The following MTR variants were observed in gnomAD, a reference collection of about 807,000 sequenced individuals.
The protein encoded by MTR is 5-methyltetrahydrofolate-homocysteine methyltransferase, also known as methionine synthase.
A neutral mutation model predicts 154.8 loss-of-function variants in MTR; 84 were observed. That is an observed-to-expected ratio of 0.54 (90% CI 0.45 to 0.65). MTR has a LOEUF of 0.65. Ranked by LOEUF, MTR falls within the 30% of genes least tolerant of loss-of-function variation. MTR has a pLI of 0.00. For synonymous variants in MTR, 554 were observed against 553.9 expected (o/e 1.00, Z 0.00); for missense variants, 1,275 against 1,570.2 (o/e 0.81, Z 3.18).
In MTR at chr1:236,850,482, T is replaced by G; in HGVS notation, c.1654T>G (p.Leu552Val). 6.2e-7 allele frequency: 1 copy of G among 1,613,790 alleles called. No homozygotes were observed. The highest frequency in any genetic ancestry group is 1.1e-5 in the South Asian group (1 of 91,068). The change falls in exon 16 of 33, where the codon TTG (leucine) becomes GTG (valine). Residue 552 changes from leucine to valine, a missense_variant. Physicochemically the swap from Leu to Val is conservative, Grantham distance 32. Coordinates refer to ENST00000366577, the MANE Select transcript of MTR (RefSeq NM_000254.3). Reference sequence around the variant, plus strand: ...TGGGACTGGAATGGAGGAACACAACTTGTATGCCATTAATTTTATCCATGC... The same window carrying G: ...TGGGACTGGAATGGAGGAACACAACGTGTATGCCATTAATTTTATCCATGC... ...TIGTGMEEHN[L>V]YAINFIHATK...
At chr1:236,824,067 A>G (rs946721963) in intron 8 of MTR, 52 bp from the exon 9 acceptor site, 5 of 1,436,432 alleles carry the variant, frequency 3.5e-6, no homozygotes, top group Non-Finnish European at 3.9e-6. Flanking sequence ...ACTTATATGC[A>G]TAAATATGAA....
At chr1:236,838,841 A>G (rs991929287) in intron 15 of MTR, among the ~76,000 whole-genome samples, 6 of 152,198 alleles carry the variant, frequency 3.9e-5, no homozygotes, top group African/African-American at 1.4e-4. Context: ...CCAACGTCAT[A>G]GAGTGTATTT....
intron 1 of MTR, among the ~76,000 whole-genome samples, chr1:236,799,678 C>T (rs2102999555): frequency 6.6e-6 from 1 of 151,996 alleles, no homozygotes; most frequent in East Asian, 1.9e-4. Context: ...AATAAGAAAA[C>T]AAATTAGCTT....
At chr1:236,862,192 C>G (rs1664583083) in intron 20 of MTR, 44 bp from the exon 21 acceptor site, 3 of 1,525,728 alleles carry the variant, frequency 2.0e-6, no homozygotes, top group Non-Finnish European at 2.7e-6. Flanking sequence ...AGCAGTTGTT[C>G]CTGTGGTTTG....
chr1:236,880,927 C>T, intron 25 of MTR, 91 bp downstream of exon 25: 3 of 1,265,154 alleles, frequency 2.4e-6, no homozygotes, highest in Non-Finnish European at 3.4e-6. Flanking sequence ...CATTTTTATT[C>T]AGTTCTACTA....
chr1:236,838,404 C>A lies in MTR; in HGVS notation c.1330-10C>A. On this transcript the variant is annotated splice_polypyrimidine_tract_variant and intron_variant, in intron 14 of 32. Transcript: ENST00000366577. ...GCCTCTGTGTGATTTTCTTGCCTTT[C>A]TGATCTCAGGTACCTTTGTGCATCG... The A allele has an allele frequency of 6.2e-7, 1 of 1,614,086 alleles. No homozygotes were observed. Among genetic ancestry groups the A allele is most frequent in the South Asian group, 1.1e-5 (1 of 91,074 alleles).
intron 15 of MTR, among the ~76,000 whole-genome samples, chr1:236,839,918 C>T (rs185740605): frequency 7.9e-4 from 120 of 152,202 alleles, no homozygotes; most frequent in Admixed American, 3.4e-3. Context: ...AAATGAGTGA[C>T]ATGATCCCAA....
rs1282582625 is a variant in MTR, at chr1:236,900,570, ATTATACT to A, written c.*2932_*2938del. The A allele has an allele frequency of 2.0e-5, 3 of 152,318 alleles. No individual in the cohort carries two copies. Among genetic ancestry groups the A allele is most frequent in the African/African-American group, 7.2e-5 (3 of 41,468 alleles). The allele number at this position is 152,318 out of a possible 1,614,324, so 9.4% of individuals were successfully genotyped here. A position where few individuals can be genotyped will look rare whatever the true frequency, so the allele number is the denominator to read the frequency against. On this transcript the variant is annotated 3_prime_UTR_variant, in exon 33 of 33. Coordinates refer to ENST00000366577, the MANE Select transcript of MTR (RefSeq NM_000254.3). Reference sequence around the variant, plus strand: ...AGTGTTTACTATATGCTATTAATACATTATACTTTATAACTAATAGATAACAGTTTTT... The same window carrying A: ...AGTGTTTACTATATGCTATTAATACATTATAACTAATAGATAACAGTTTTT...
intron 25 of MTR, among the ~76,000 whole-genome samples, chr1:236,882,476 C>T (rs560781915): frequency 1.1e-4 from 16 of 149,358 alleles, no homozygotes; most frequent in Admixed American, 1.0e-3. Flanking sequence ...CTGCAACCTA[C>T]GCCTCCCAGA....
intron 28 of MTR, among the ~76,000 whole-genome samples, chr1:236,890,182 T>C (rs1371530377): frequency 2.6e-5 from 4 of 152,168 alleles, no homozygotes; most frequent in African/African-American, 4.8e-5. Flanking sequence ...GTTCGGATGC[T>C]GAGACTCAGG....
chr1:236,808,186 T>C (rs1448086563), intron 3 of MTR, among the ~76,000 whole-genome samples: 1 of 152,166 alleles, frequency 6.6e-6, no homozygotes, highest in Non-Finnish European at 1.5e-5. Flanking sequence ...TATTTCCTGG[T>C]AAGAGGGTTC....
chr1:236,862,200 T>G, intron 20 of MTR, 36 bp from the exon 21 acceptor site: 1 of 1,565,708 alleles, frequency 6.4e-7, no homozygotes, highest in East Asian at 2.2e-5. Context: ...TTCCTGTGGT[T>G]TGGGAAAGAT....
chr1:236,795,550 C>G lies in MTR; in HGVS notation c.-154C>G. 1 of 1,540,900 alleles carries G rather than the reference C, an allele frequency of 6.5e-7. No homozygotes were observed. The highest frequency in any genetic ancestry group is 8.7e-7 in the Non-Finnish European group (1 of 1,148,362). On this transcript the variant is annotated 5_prime_UTR_variant, in exon 1 of 33. Coordinates refer to ENST00000366577, the MANE Select transcript of MTR (RefSeq NM_000254.3). ...CTGCGGGCTTTCGGGGTCCGCAGTC[C>G]CCCCGCGACGCGAGCCAACGGGAGG...
intron 15 of MTR, among the ~76,000 whole-genome samples, chr1:236,842,268 A>G (rs1663295940): frequency 6.6e-6 from 1 of 151,934 alleles, no homozygotes; most frequent in Non-Finnish European, 1.5e-5. Context: ...TTTTGTGTTC[A>G]CCGTGTTCTG....
intron 14 of MTR, among the ~76,000 whole-genome samples, chr1:236,835,952 G>A (rs900078982): frequency 6.6e-6 from 1 of 152,126 alleles, no homozygotes; most frequent in Non-Finnish European, 1.5e-5. Context: ...CTCCTCAGAT[G>A]TCTGGACAGA....
chr1:236,885,339 A>G (rs888590869), intron 26 of MTR, 120 bp downstream of exon 26: 5 of 715,098 alleles, frequency 7.0e-6, no homozygotes, highest in African/African-American at 1.8e-5. Flanking sequence ...ATCATTTTAG[A>G]GAATTTCTGT....
chr1:236,800,427 G>T (rs1660640311), intron 1 of MTR: 12 of 985,312 alleles, frequency 1.2e-5, no homozygotes, highest in African/African-American at 1.7e-5. Flanking sequence ...ATTTCAGGGA[G>T]AATTGCAGCT....
chr1:236,815,123 A>T (rs911296559), intron 6 of MTR, among the ~76,000 whole-genome samples: 1 of 152,180 alleles, frequency 6.6e-6, no homozygotes, highest in African/African-American at 2.4e-5. Context: ...GTTGGTTCAT[A>T]TACCTACCAT....
At chr1:236,820,920 T>C (rs780237054) in intron 8 of MTR, among the ~76,000 whole-genome samples, 3 of 152,246 alleles carry the variant, frequency 2.0e-5, no homozygotes, top group Non-Finnish European at 4.4e-5. Flanking sequence ...CATCTTTTCA[T>C]ATGCTTACTT....
Sources: allele counts gnomAD v4.1 joint callset (sites outside exome capture counted in the v4.1 genomes callset), GRCh38; gene constraint gnomAD v4.1.1; transcripts MANE v1.5; gene names NCBI Gene and HGNC (gene_info 2026-07-23, HGNC 2026-07-21).